Variants in DPF3 observed in about 807,000 individuals in gnomAD.
DPF3 encodes double PHD fingers 3, also known as zinc finger protein DPF3.
In DPF3, 18 loss-of-function variants were observed where a neutral mutation model predicts 56.8. The ratio of observed to expected loss-of-function variants is 0.32; its 90% CI spans 0.22 to 0.47. The LOEUF (loss-of-function observed/expected upper bound fraction) is 0.47, where lower values mean the gene tolerates loss of function less well. DPF3 is among the 20% of genes least tolerant of loss of function. DPF3 has a pLI of 1.00. For synonymous variants in DPF3, 188 were observed against 180.2 expected (o/e 1.04, Z -0.35); for missense variants, 403 against 488.8 (o/e 0.82, Z 1.65).
chr14:72,762,898 T>C (rs1382308540), intron 2 of DPF3, among the ~76,000 whole-genome samples: 2 of 151,954 alleles, frequency 1.3e-5, no homozygotes, highest in African/African-American at 4.8e-5. Flanking sequence ...CTATTAGAAC[T>C]AATGAGTTTA....
At chr14:72,644,238 G>A (rs2153568014) in intron 8 of DPF3, among the ~76,000 whole-genome samples, 1 of 152,274 alleles carries the variant, frequency 6.6e-6, no homozygotes, top group Non-Finnish European at 1.5e-5. Flanking sequence ...GCACCATCTG[G>A]CGTCGTATTA....
intron 8 of DPF3, among the ~76,000 whole-genome samples, chr14:72,638,382 G>C (rs1485814255): frequency 1.3e-5 from 2 of 152,168 alleles, no homozygotes; most frequent in East Asian, 1.9e-4. Context: ...CATGGGACCT[G>C]GCTAAAGGCT....
At chr14:72,862,517 A>G (rs911374283) in intron 1 of DPF3, among the ~76,000 whole-genome samples, 2 of 151,626 alleles carry the variant, frequency 1.3e-5, no homozygotes, top group Non-Finnish European at 1.5e-5. Context: ...TCCTCCATCT[A>G]CTCTCAACTC....
intron 1 of DPF3, among the ~76,000 whole-genome samples, chr14:72,821,263 A>G (rs116599862): frequency 0.093 from 14,190 of 152,060 alleles, 807 homozygotes; most frequent in Admixed American, 0.18. Context: ...CAGCTTGGGC[A>G]ACAGAGTAGG....
chr14:72,746,006 C>T (rs1890308754), intron 3 of DPF3, among the ~76,000 whole-genome samples: 1 of 152,132 alleles, frequency 6.6e-6, no homozygotes, highest in African/African-American at 2.4e-5. Context: ...TCAAAGGGAC[C>T]CCCACCAGGT....
chr14:72,651,326 G>A (rs1250365179), intron 8 of DPF3, among the ~76,000 whole-genome samples: 4 of 152,212 alleles, frequency 2.6e-5, no homozygotes, highest in African/African-American at 4.8e-5. Context: ...CCCTGACCCT[G>A]CCTTCCGGAA....
rs143179862 is a variant in DPF3, at chr14:72,858,717, T to G, written c.32+35340A>C. Among the ~76,000 whole-genome samples the G allele has an allele frequency of 2.4e-3, 358 of 152,332 alleles. 2 individuals are homozygous for G. The highest frequency in any genetic ancestry group is 8.2e-3 in the African/African-American group (342 of 41,584). ...CAGGTCTAAAATACTACTCAGAGAT[T>G]CCTTTTGAACATGCAAAGTATTTCT... On this transcript the variant is annotated intron_variant, in intron 1 of 10. Coordinates refer to ENST00000556509, the MANE Select transcript of DPF3 (RefSeq NM_001280542.3).
At chr14:72,889,701 G>A (rs1293738533) in intron 1 of DPF3, among the ~76,000 whole-genome samples, 2 of 152,154 alleles carry the variant, frequency 1.3e-5, no homozygotes, top group African/African-American at 4.8e-5. Context: ...CACTAATACA[G>A]GTCATAGAAT....
At chr14:72,889,591 C>A (rs57436918) in intron 1 of DPF3, among the ~76,000 whole-genome samples, 9 of 152,176 alleles carry the variant, frequency 5.9e-5, no homozygotes, top group Non-Finnish European at 1.2e-4. Flanking sequence ...AGGAATGTGA[C>A]CCCCACCCCT....
At chr14:72,731,369 G>A (rs1170195139) in intron 4 of DPF3, 1 of 161,096 alleles carries the variant, frequency 6.2e-6, no homozygotes, top group Non-Finnish European at 1.3e-5. Context: ...CAGTCATGGG[G>A]ACCGGTGAGG....
chr14:72,634,556 A>T (rs1490501204), intron 8 of DPF3, among the ~76,000 whole-genome samples: 1 of 152,172 alleles, frequency 6.6e-6, no homozygotes, highest in Admixed American at 6.5e-5. Flanking sequence ...AAAGAGGCAC[A>T]TGGCTATAAG....
intron 8 of DPF3, among the ~76,000 whole-genome samples, chr14:72,638,371 C>A (rs1346430495): frequency 1.3e-5 from 2 of 152,190 alleles, no homozygotes; most frequent in Non-Finnish European, 2.9e-5. Context: ...GAGCATCCAA[C>A]CATGGGACCT....
chr14:72,724,389 T>C (rs1444131828), intron 4 of DPF3, among the ~76,000 whole-genome samples: 1 of 152,152 alleles, frequency 6.6e-6, no homozygotes, highest in East Asian at 1.9e-4. Context: ...ACGCTGAGGC[T>C]GAAAACAGTT....
At chr14:72,797,954 C>T (rs1459542351) in intron 1 of DPF3, among the ~76,000 whole-genome samples, 2 of 152,084 alleles carry the variant, frequency 1.3e-5, no homozygotes, top group African/African-American at 4.8e-5. Flanking sequence ...CACTTTTTAC[C>T]GTCAATGATT....
At chr14:72,811,059 C>T (rs1883024453) in intron 1 of DPF3, among the ~76,000 whole-genome samples, 1 of 152,184 alleles carries the variant, frequency 6.6e-6, no homozygotes, top group South Asian at 2.1e-4. Context: ...GGAGAGCAGG[C>T]GTGTCACATG....
At chr14:72,885,712 A>G (rs1886519999) in intron 1 of DPF3, among the ~76,000 whole-genome samples, 1 of 152,130 alleles carries the variant, frequency 6.6e-6, no homozygotes, top group African/African-American at 2.4e-5. Context: ...TAGATTTTAC[A>G]GTCCAAAAAT....
rs78658138 is a variant in DPF3 at position 72,753,275 on chromosome 14, T to C, written c.290A>G (p.Glu97Gly). ...CAGAGGGCACTGACCAGGTTTTATCTCCAGCAGCCGCAGTTTTGGATCTTC... is the reference window on the plus strand; with the variant it reads ...CAGAGGGCACTGACCAGGTTTTATCCCCAGCAGCCGCAGTTTTGGATCTTC... ...PPEDPKLRLL[E>G]IKPEVELPLK... Residue 97 changes from glutamate (E) to glycine (G), a missense_variant, in exon 3 of 11, where the codon GAG (glutamate) becomes GGG (glycine). Transcript: ENST00000556509. 6.2e-7 allele frequency: 1 copy of C among 1,613,520 alleles called. No individual in the cohort carries two copies. Among genetic ancestry groups the C allele is most frequent in the African/African-American group, 1.3e-5 (1 of 74,910 alleles).
chr14:72,656,094 T>C (rs889539229), intron 8 of DPF3, among the ~76,000 whole-genome samples: 3 of 152,208 alleles, frequency 2.0e-5, no homozygotes, highest in Non-Finnish European at 4.4e-5. Context: ...ACAACAGCTA[T>C]TAAGTGACCC....
rs139373843 is a variant in DPF3, at chr14:72,818,038, G to A, written c.33-46145C>T. ...AGGTGGGCAGATCACTTGAGGTCACGGGTTTGAAACCAGCCTGGCCAACAT... is the reference window on the plus strand; with the variant it reads ...AGGTGGGCAGATCACTTGAGGTCACAGGTTTGAAACCAGCCTGGCCAACAT... On this transcript the variant is annotated intron_variant, in intron 1 of 10. Transcript: ENST00000556509. 9.8e-3 allele frequency among the ~76,000 whole-genome samples: 1,490 copies of A among 152,088 alleles called. 16 individuals carry two copies. Among genetic ancestry groups the A allele is most frequent in the Middle Eastern group, 0.037 (11 of 294 alleles).
Sources: allele counts gnomAD v4.1 joint callset (sites outside exome capture counted in the v4.1 genomes callset), GRCh38; gene constraint gnomAD v4.1.1; transcripts MANE v1.5; gene names NCBI Gene and HGNC (gene_info 2026-07-23, HGNC 2026-07-21).